TMEM132C: variants seen among roughly 807,000 people sequenced by gnomAD.
The protein encoded by TMEM132C is protein phosphatase 1, regulatory subunit 152.
In TMEM132C, 29 loss-of-function variants were observed where a neutral mutation model predicts 61.4. The observed-to-expected ratio is 0.47, with a 90% CI of 0.35 to 0.64. The LOEUF (loss-of-function observed/expected upper bound fraction) is 0.64. Ranked by LOEUF, TMEM132C falls within the 30% of genes least tolerant of loss-of-function variation. TMEM132C has a pLI of 0.00. For synonymous variants in TMEM132C, 656 were observed against 633.1 expected (o/e 1.04, Z -0.54); for missense variants, 1,408 against 1,476.9 (o/e 0.95, Z 0.76).
chr12:128,464,066 T>G (rs985873125), intron 2 of TMEM132C, among the ~76,000 whole-genome samples: 5 of 152,180 alleles, frequency 3.3e-5, no homozygotes, highest in African/African-American at 1.2e-4. Flanking sequence ...GTTTAGTGAT[T>G]GGCCAACAGT....
At chr12:128,692,972 C>A (rs191389548) in intron 5 of TMEM132C, among the ~76,000 whole-genome samples, 2 of 152,224 alleles carry the variant, frequency 1.3e-5, no homozygotes, top group East Asian at 1.9e-4. Flanking sequence ...GGTTGGTAGT[C>A]CCTAATGTGA....
chr12:128,400,946 C>G (rs549644638), intron 1 of TMEM132C, among the ~76,000 whole-genome samples: 55 of 152,204 alleles, frequency 3.6e-4, no homozygotes, highest in Admixed American at 1.2e-3. Context: ...AAAAAATCTC[C>G]AGACATTGTA....
intron 1 of TMEM132C, among the ~76,000 whole-genome samples, chr12:128,342,831 G>A (rs577506249): frequency 2.0e-5 from 3 of 152,284 alleles, no homozygotes; most frequent in South Asian, 2.1e-4. Flanking sequence ...CTTCCCCTCC[G>A]CCCTTTGAAC....
At chr12:128,544,142 GT>G (rs199498284) in intron 3 of TMEM132C, 39 bp downstream of exon 3, 59,598 of 1,467,576 alleles carry the variant, frequency 0.041, 1,383 homozygotes, top group Middle Eastern at 0.053. Flanking sequence ...GTGGTTCCTG[GT>G]CCCGGGCCCA....
At position 128,313,103 on chromosome 12, in the gene TMEM132C, G is replaced by C. The variant is rs142044172; in HGVS notation, c.85+45616G>C. Among the ~76,000 whole-genome samples the C allele has an allele frequency of 6.0e-4, 91 of 152,348 alleles. 1 individual carries two copies. Among genetic ancestry groups the C allele is most frequent in the African/African-American group, 2.0e-3 (84 of 41,582 alleles). On this transcript the variant is annotated intron_variant, in intron 1 of 8. Transcript: ENST00000435159. ...CCTCTGGCAGCCTCCGGCCTGCAAGGGGGTGTCTTCTCATCTGCTCTGGGT... is the reference window on the plus strand; with the variant it reads ...CCTCTGGCAGCCTCCGGCCTGCAAGCGGGTGTCTTCTCATCTGCTCTGGGT...
At chr12:128,704,245 G>A (rs1954821330) in intron 8 of TMEM132C, among the ~76,000 whole-genome samples, 1 of 152,180 alleles carries the variant, frequency 6.6e-6, no homozygotes, top group Non-Finnish European at 1.5e-5. Flanking sequence ...GGCACATAAA[G>A]TCAATTTTTT....
At chr12:128,606,292 G>C (rs1876422042) in intron 3 of TMEM132C, among the ~76,000 whole-genome samples, 1 of 152,242 alleles carries the variant, frequency 6.6e-6, no homozygotes, top group Non-Finnish European at 1.5e-5. Flanking sequence ...AGGCTCTCCA[G>C]AGCACAACAG....
chr12:128,616,131 A>G, intron 3 of TMEM132C, 21 bp from the exon 4 acceptor site: 2 of 1,547,750 alleles, frequency 1.3e-6, no homozygotes, highest in African/African-American at 2.7e-5. Context: ...GCTTAAAGCC[A>G]GTTTCTTTTC....
At chr12:128,615,519 G>A (rs930071768) in intron 3 of TMEM132C, among the ~76,000 whole-genome samples, 19 of 152,146 alleles carry the variant, frequency 1.2e-4, no homozygotes, top group African/African-American at 2.2e-4. Flanking sequence ...ATCATCAGGC[G>A]TTAGATTTTC....
chr12:128,276,161 G>T (rs189886645), intron 1 of TMEM132C, among the ~76,000 whole-genome samples: 4 of 152,188 alleles, frequency 2.6e-5, no homozygotes, highest in Admixed American at 6.5e-5. Context: ...GTGGACATTC[G>T]CTTTTGAGGC....
At chr12:128,350,839 A>G (rs1187382995) in intron 1 of TMEM132C, among the ~76,000 whole-genome samples, 1 of 151,830 alleles carries the variant, frequency 6.6e-6, no homozygotes, top group South Asian at 2.1e-4. Flanking sequence ...ATTTTGCTAT[A>G]TAAAGGCAGT....
intron 1 of TMEM132C, among the ~76,000 whole-genome samples, chr12:128,396,902 T>C (rs1050862842): frequency 1.2e-4 from 18 of 152,256 alleles, no homozygotes; most frequent in African/African-American, 4.1e-4. Context: ...TTACTGTGGA[T>C]AGCCTCTTCT....
At chr12:128,340,839 C>T (rs1057198372) in intron 1 of TMEM132C, among the ~76,000 whole-genome samples, 11 of 127,560 alleles carry the variant, frequency 8.6e-5, no homozygotes, top group African/African-American at 3.9e-4. Context: ...TTCTCTCTCT[C>T]TCTTTCTCTC....
intron 3 of TMEM132C, among the ~76,000 whole-genome samples, chr12:128,600,143 C>CCA (rs1876125922): frequency 6.6e-6 from 1 of 152,054 alleles, no homozygotes; most frequent in Non-Finnish European, 1.5e-5. Context: ...CCACTGCGCC[C>CCA]GGCTAATTTT....
chr12:128,287,995 T>A (rs1871127313), intron 1 of TMEM132C, among the ~76,000 whole-genome samples: 4 of 152,140 alleles, frequency 2.6e-5, no homozygotes, highest in Non-Finnish European at 5.9e-5. Flanking sequence ...GATGATTGTG[T>A]GTTTGGTGCA....
intron 2 of TMEM132C, among the ~76,000 whole-genome samples, chr12:128,463,122 C>T (rs999634709): frequency 6.6e-6 from 1 of 152,114 alleles, no homozygotes; most frequent in African/African-American, 2.4e-5. Context: ...CAAAAGCTAG[C>T]CTGGAGGTCT....
chr12:128,410,426 C>A (rs12229861), intron 1 of TMEM132C, among the ~76,000 whole-genome samples: 2 of 152,184 alleles, frequency 1.3e-5, no homozygotes, highest in Non-Finnish European at 2.9e-5. Context: ...TATTTTGAGA[C>A]AGAGTCTCAC....
At chr12:128,510,244 A>T (rs747426182) in intron 2 of TMEM132C, among the ~76,000 whole-genome samples, 1 of 152,166 alleles carries the variant, frequency 6.6e-6, no homozygotes, top group Non-Finnish European at 1.5e-5. Flanking sequence ...CCTTTGAATT[A>T]TGTGATCTCT....
Position 128,371,696 on chromosome 12 carries a change from C to G in TMEM132C, c.86-43036C>G, listed in dbSNP as rs921384012. On this transcript the variant is annotated intron_variant, in intron 1 of 8. Transcript: ENST00000435159. ...CAAGCAATCCTCCTGTCTCAACCTC[C>G]TGAGTAGCTGAAACTAAAGGCACAT... Among the ~76,000 whole-genome samples, 6 of 152,180 alleles carry G rather than the reference C, an allele frequency of 3.9e-5. No homozygotes were observed. In the East Asian group the frequency reaches 1.2e-3, roughly 29 times the overall value.
Sources: allele counts gnomAD v4.1 joint callset (sites outside exome capture counted in the v4.1 genomes callset), GRCh38; gene constraint gnomAD v4.1.1; transcripts MANE v1.5; gene names NCBI Gene and HGNC (gene_info 2026-07-23, HGNC 2026-07-21).